Variants in PTPRM observed in about 807,000 individuals in gnomAD.
The protein encoded by PTPRM is receptor-type tyrosine-protein phosphatase mu.
Under a neutral mutation model 186.7 loss-of-function variants are expected in PTPRM, and 47 were observed. That is an observed-to-expected ratio of 0.25 (90% CI 0.20 to 0.32). The LOEUF (loss-of-function observed/expected upper bound fraction) is 0.32. Ranked by LOEUF, PTPRM falls within the 10% of genes least tolerant of loss-of-function variation. PTPRM has a pLI of 1.00. For synonymous variants in PTPRM, 668 were observed against 674.9 expected, an observed-to-expected ratio of 0.99 and a Z score of 0.16; for missense variants, 1,494 against 1,865.0, an observed-to-expected ratio of 0.80 and a Z score of 3.66.
At chr18:7,941,443 T>A (rs530611433) in intron 5 of PTPRM, among the ~76,000 whole-genome samples, 17 of 152,374 alleles carry the variant, frequency 1.1e-4, no homozygotes, top group Non-Finnish European at 2.4e-4. Flanking sequence ...CAGAACTCTA[T>A]CCACTTAACA....
intron 1 of PTPRM, among the ~76,000 whole-genome samples, chr18:7,725,028 T>C (rs761948298): frequency 6.6e-6 from 1 of 152,202 alleles, no homozygotes; most frequent in Non-Finnish European, 1.5e-5. Flanking sequence ...CAGAAACTTA[T>C]TCAACTTTCT....
intron 2 of PTPRM, among the ~76,000 whole-genome samples, chr18:7,849,755 C>T (rs2046774865): frequency 6.6e-6 from 1 of 152,156 alleles, no homozygotes; most frequent in Non-Finnish European, 1.5e-5. Context: ...TGAGATGTGT[C>T]TTTACTTAGC....
chr18:7,698,033 G>A (rs2039882074), intron 1 of PTPRM, among the ~76,000 whole-genome samples: 1 of 152,210 alleles, frequency 6.6e-6, no homozygotes, highest in Non-Finnish European at 1.5e-5. Context: ...TGAGTTGTAT[G>A]GCAGAGGAAC....
rs146956271 is a variant in PTPRM at position 8,039,331 on chromosome 18, T to C, written c.1133-30355T>C. On this transcript the variant is annotated intron_variant, in intron 7 of 32. Transcript: ENST00000580170. ...GTTTTTTAATAAAAATTAAAGGAGA[T>C]CCATCTTAATCTTAATATTTCCACA... Among the ~76,000 whole-genome samples the C allele has an allele frequency of 8.2e-3, 1,255 of 152,256 alleles. 22 individuals carry two copies. The highest frequency in any genetic ancestry group is 0.028 in the African/African-American group (1,172 of 41,572).
At chr18:7,848,400 A>G (rs1380487525) in intron 2 of PTPRM, among the ~76,000 whole-genome samples, 1 of 152,174 alleles carries the variant, frequency 6.6e-6, no homozygotes, top group Non-Finnish European at 1.5e-5. Flanking sequence ...CAACCCCAAT[A>G]TTTCATGAAA....
intron 8 of PTPRM, among the ~76,000 whole-genome samples, chr18:8,071,295 C>T (rs1025189698): frequency 2.0e-5 from 3 of 152,200 alleles, no homozygotes; most frequent in Non-Finnish European, 4.4e-5. Context: ...TCTATTGACT[C>T]TGGTCCTAAC....
At chr18:7,783,213 G>T (rs950390589) in intron 2 of PTPRM, among the ~76,000 whole-genome samples, 1 of 152,152 alleles carries the variant, frequency 6.6e-6, no homozygotes, top group Admixed American at 6.5e-5. Flanking sequence ...AGGGTGATCA[G>T]CAAGGGGATG....
At chr18:7,781,754 A>T (rs1486589307) in intron 2 of PTPRM, among the ~76,000 whole-genome samples, 1 of 152,222 alleles carries the variant, frequency 6.6e-6, no homozygotes, top group Non-Finnish European at 1.5e-5. Context: ...GTCTAACTTT[A>T]TCATAAAAAT....
At chr18:7,878,433 G>A (rs1428887462) in intron 2 of PTPRM, among the ~76,000 whole-genome samples, 3 of 152,086 alleles carry the variant, frequency 2.0e-5, no homozygotes, top group African/African-American at 4.8e-5. Context: ...ACCCTAGTTG[G>A]GCTAATGAAA....
intron 2 of PTPRM, among the ~76,000 whole-genome samples, chr18:7,859,642 TCCAGGATGGCTG>T (rs1189732288): frequency 6.6e-6 from 1 of 152,216 alleles, no homozygotes; most frequent in Non-Finnish European, 1.5e-5. Flanking sequence ...AACTCAGGCT[TCCAGGATGGCTG>T]CCAGAGGGAC....
chr18:8,390,818 C>T (rs2148574198), intron 31 of PTPRM, among the ~76,000 whole-genome samples: 1 of 152,024 alleles, frequency 6.6e-6, no homozygotes, highest in South Asian at 2.1e-4. Context: ...GTCCCAGCTA[C>T]TTGGGAGGCT....
In PTPRM at chr18:7,568,514, G is replaced by A. The variant is rs2036489773; in HGVS notation, c.73+623G>A. 2.0e-5 allele frequency among the ~76,000 whole-genome samples: 3 copies of A among 152,112 alleles called. No homozygotes were observed. Among genetic ancestry groups the A allele is most frequent in the Admixed American group, 6.5e-5 (1 of 15,276 alleles). On this transcript the variant is annotated intron_variant, in intron 1 of 32. Transcript: ENST00000580170. This position sits in a 1 kb window ranked among gnomAD's most constrained non-coding sequence, Gnocchi z 5.1. ...GGGGAGTTCCTCGCCGGTCCCAGCG[G>A]TAGGGCTTGGCGGCCGCGGAGGGAA...
chr18:7,768,610 T>C (rs2042125368), intron 1 of PTPRM, among the ~76,000 whole-genome samples: 1 of 151,944 alleles, frequency 6.6e-6, no homozygotes, highest in South Asian at 2.1e-4. Context: ...GAAGTCATTG[T>C]TGAGAGCAAG....
At chr18:7,580,685 G>A (rs2036820442) in intron 1 of PTPRM, among the ~76,000 whole-genome samples, 1 of 152,116 alleles carries the variant, frequency 6.6e-6, no homozygotes, top group African/African-American at 2.4e-5. Flanking sequence ...TAAAAGCTTG[G>A]CTGAGAGAAT....
At position 8,234,404 on chromosome 18, in the gene PTPRM, A is replaced by G. The variant is rs114617610; in HGVS notation, c.2301-9654A>G. Among the ~76,000 whole-genome samples the G allele has an allele frequency of 4.3e-3, 657 of 152,246 alleles. 3 individuals are homozygous for G. The highest frequency in any genetic ancestry group is 0.015 in the African/African-American group (618 of 41,536). On this transcript the variant is annotated intron_variant, in intron 14 of 32. Transcript: ENST00000580170. ...AGTTGCTCATTGCTGGTATATAGGA[A>G]AGTATTGACTTTTGTATATTAACCT...
chr18:8,380,736 G>A (rs1373263461), intron 29 of PTPRM, among the ~76,000 whole-genome samples: 2 of 152,200 alleles, frequency 1.3e-5, no homozygotes, highest in Admixed American at 1.3e-4. Context: ...GTCGCAGACC[G>A]AGTTGGAGCT....
At chr18:7,972,586 A>G (rs1383912396) in intron 7 of PTPRM, among the ~76,000 whole-genome samples, 1 of 151,160 alleles carries the variant, frequency 6.6e-6, no homozygotes, top group Non-Finnish European at 1.5e-5. Flanking sequence ...ATACATATTA[A>G]AATATATTTC....
chr18:7,663,345 G>C (rs2039021707), intron 1 of PTPRM, among the ~76,000 whole-genome samples: 1 of 152,110 alleles, frequency 6.6e-6, no homozygotes, highest in African/African-American at 2.4e-5. Flanking sequence ...TCATTTATTG[G>C]GCAACTGAGA....
At chr18:7,613,483 G>C (rs1047581053) in intron 1 of PTPRM, among the ~76,000 whole-genome samples, 1 of 152,094 alleles carries the variant, frequency 6.6e-6, no homozygotes, top group African/African-American at 2.4e-5. Flanking sequence ...GACCATCCTG[G>C]CCAAAATGCT....
Sources: gnomAD v4.1 joint callset for allele counts (sites outside exome capture counted in the v4.1 genomes callset) on GRCh38, gnomAD v4.1.1 for gene constraint, Gnocchi (gnomAD v3.1) non-coding constraint, MANE v1.5 for transcripts, NCBI Gene and HGNC (gene_info 2026-07-23, HGNC 2026-07-21) for gene names.